IL6ST: variants seen among roughly 807,000 people sequenced by gnomAD.
The protein encoded by IL6ST is interleukin 6 cytokine family signal transducer.
Under a neutral mutation model 91.3 loss-of-function variants are expected in IL6ST, and 24 were observed. The ratio of observed to expected loss-of-function variants is 0.26; its 90% CI spans 0.19 to 0.37. The LOEUF is 0.37. IL6ST is among the 10% of genes least tolerant of loss of function. IL6ST has a pLI of 1.00. For synonymous variants in IL6ST, 351 were observed against 373.6 expected (o/e 0.94, Z 0.70); for missense variants, 914 against 1,078.5 (o/e 0.85, Z 2.14).
intron 7 of IL6ST, among the ~76,000 whole-genome samples, chr5:55,962,755 CTCTT>C: frequency 6.6e-6 from 1 of 152,128 alleles, no homozygotes; most frequent in East Asian, 1.9e-4. Context: ...TCCTTATAAT[CTCTT>C]TATTTTTGCT....
chr5:55,959,735 G>A (rs1362544431), intron 8 of IL6ST: 5 of 796,034 alleles, frequency 6.3e-6, no homozygotes, highest in African/African-American at 3.6e-5. Context: ...GGGATCTAAG[G>A]TGTAGTTTGC....
chr5:55,952,545 A>G (rs1751700485), intron 11 of IL6ST, among the ~76,000 whole-genome samples, 194 bp from the exon 12 acceptor site: 1 of 152,218 alleles, frequency 6.6e-6, no homozygotes, highest in African/African-American at 2.4e-5. Context: ...AGTATTGCCA[A>G]TGCAGTGGAT....
chr5:55,953,727 G>A (rs1298028107), intron 11 of IL6ST, among the ~76,000 whole-genome samples: 1 of 152,194 alleles, frequency 6.6e-6, no homozygotes, highest in Non-Finnish European at 1.5e-5. Flanking sequence ...AGTGGTTCAC[G>A]CCTGTAATAC....
chr5:55,960,680 T>G, intron 7 of IL6ST, 119 bp from the exon 8 acceptor site: 1 of 826,196 alleles, frequency 1.2e-6, no homozygotes, highest in Non-Finnish European at 1.8e-6. Context: ...CAGGTTGGAG[T>G]GCAGTGGTGC....
chr5:55,946,034 T>C (rs934739696), intron 15 of IL6ST, among the ~76,000 whole-genome samples: 6 of 152,148 alleles, frequency 3.9e-5, no homozygotes, highest in African/African-American at 1.4e-4. Context: ...CCAGAACATA[T>C]AAAGCACTCT....
intron 5 of IL6ST, among the ~76,000 whole-genome samples, chr5:55,966,855 C>T (rs746560903): frequency 6.6e-6 from 1 of 151,986 alleles, no homozygotes; most frequent in Non-Finnish European, 1.5e-5. Context: ...CCCGAAACCA[C>T]TGCTCAATCT....
At chr5:55,952,117 CA>C in intron 12 of IL6ST, 42 bp from the exon 13 acceptor site, 1 of 1,576,270 alleles carries the variant, frequency 6.3e-7, no homozygotes, top group Non-Finnish European at 8.6e-7. Context: ...AAATCATTTA[CA>C]ATCTAGTAAA....
chr5:55,989,998 C>CA (rs1181030374), intron 1 of IL6ST, among the ~76,000 whole-genome samples: 10 of 151,754 alleles, frequency 6.6e-5, no homozygotes, highest in Non-Finnish European at 1.5e-4. Context: ...AACATCCAAA[C>CA]AAAAAAAGAC....
chr5:55,975,476 T>A (rs1753233474), intron 3 of IL6ST, among the ~76,000 whole-genome samples: 1 of 152,116 alleles, frequency 6.6e-6, no homozygotes, highest in South Asian at 2.1e-4. Context: ...ACCTTTTCTT[T>A]ATAAATTACC....
At position 55,994,870 on chromosome 5, in the gene IL6ST, G is replaced by A. The variant is rs982021960; in HGVS notation, c.-190C>T. 6.6e-6 allele frequency: 1 copy of A among 152,278 alleles called. No homozygotes were observed. The highest frequency in any genetic ancestry group is 1.5e-5 in the Non-Finnish European group (1 of 68,110). The allele number at this position is 152,278 out of a possible 1,614,324, so 9.4% of individuals were successfully genotyped here. A position where few individuals can be genotyped will look rare whatever the true frequency, so the allele number is the denominator to read the frequency against. ...CTGGGCCAGACCCGTCGGCCTGGCA[G>A]GCGCGGCCCCCGGTTCAGCTGCGCC... On this transcript the variant is annotated 5_prime_UTR_variant, in exon 1 of 17. Transcript: ENST00000381298.
rs188472961 is a variant in IL6ST, at chr5:55,944,686, C to A, written c.1938-1935G>T. The A allele has an allele frequency of 2.2e-4, 234 of 1,075,968 alleles. 4 individuals are homozygous for A. In the East Asian group the frequency reaches 3.6e-3, roughly 16 times the overall value. 66.7% of individuals were successfully genotyped at this position (1,075,968 alleles called of 1,614,324 possible). A position where few individuals can be genotyped will look rare whatever the true frequency, so the allele number is the denominator to read the frequency against. On this transcript the variant is annotated intron_variant, in intron 15 of 16. Transcript: ENST00000381298. The stretch of plus-strand genomic sequence containing the variant: ...AGCCAAGTGGAGGAAGAAGCGAATG[C>A]GCAGGCTGAAGCGCAAAAGAAGAAA...
At chr5:55,946,653 C>A (rs910744836) in intron 15 of IL6ST, among the ~76,000 whole-genome samples, 2 of 151,704 alleles carry the variant, frequency 1.3e-5, no homozygotes, top group African/African-American at 4.8e-5. Context: ...TCCGTCTCAA[C>A]TGTAAATACA....
At position 55,936,338 on chromosome 5, in the gene IL6ST, T is replaced by A. The variant is rs1318339013; in HGVS notation, c.*4744A>T. On this transcript the variant is annotated 3_prime_UTR_variant, in exon 17 of 17. Coordinates refer to ENST00000381298, the MANE Select transcript of IL6ST (RefSeq NM_002184.4). ...CATACTTGGGCTCTTGACAACCAAG[T>A]AGGTTTTTTTTTTTTTTTTTTTTTT... 4.9e-6 allele frequency: 1 copy of A among 202,580 alleles called. No individual in the cohort carries two copies. The highest frequency in any genetic ancestry group is 2.5e-5 in the African/African-American group (1 of 39,900). 12.5% of individuals were successfully genotyped at this position (202,580 alleles called of 1,614,324 possible). A position where few individuals can be genotyped will look rare whatever the true frequency, so the allele number is the denominator to read the frequency against.
intron 5 of IL6ST, 91 bp downstream of exon 5, chr5:55,968,185 C>T: frequency 1.8e-6 from 2 of 1,090,884 alleles, no homozygotes; most frequent in Non-Finnish European, 2.6e-6. Context: ...TTTAAAATAG[C>T]ATTTAATATT....
chr5:55,935,726 G>A lies in IL6ST; in HGVS notation c.*5356C>T, dbSNP rs1045576554. 2.8e-5 allele frequency: 6 copies of A among 216,888 alleles called. No individual in the cohort carries two copies. The highest frequency in any genetic ancestry group is 1.4e-4 in the East Asian group (2 of 14,646). The allele number at this position is 216,888 out of a possible 1,614,324, so 13.4% of individuals were successfully genotyped here. A position where few individuals can be genotyped will look rare whatever the true frequency, so the allele number is the denominator to read the frequency against. On this transcript the variant is annotated 3_prime_UTR_variant, in exon 17 of 17. Coordinates refer to ENST00000381298, the MANE Select transcript of IL6ST (RefSeq NM_002184.4). ...CCTATACGCAGTTGTAATATATTTC[G>A]TATTTTGAAAGTGTAGAAGTTTGTA... is the stretch of plus-strand genomic sequence containing the variant.
chr5:55,935,515 C>G lies in IL6ST; in HGVS notation c.*5567G>C. 4.6e-6 allele frequency: 1 copy of G among 215,218 alleles called. No individual in the cohort carries two copies. The highest frequency in any genetic ancestry group is 6.8e-5 in the East Asian group (1 of 14,610). 13.3% of individuals were successfully genotyped at this position (215,218 alleles called of 1,614,324 possible). A position where few individuals can be genotyped will look rare whatever the true frequency, so the allele number is the denominator to read the frequency against. On this transcript the variant is annotated 3_prime_UTR_variant, in exon 17 of 17. Transcript: ENST00000381298. ...AGAACCCAAGCAGCCTTTCCATGAT[C>G]TTACTAAGTTGTCCAAGAGCCAACC...
intron 14 of IL6ST, among the ~76,000 whole-genome samples, chr5:55,948,278 C>G (rs1751400528): frequency 6.6e-6 from 1 of 152,172 alleles, no homozygotes; most frequent in Non-Finnish European, 1.5e-5. Flanking sequence ...AAATTAATCA[C>G]TAATTGGGAT....
intron 1 of IL6ST, among the ~76,000 whole-genome samples, chr5:55,990,124 GGAAT>G (rs1160898303): frequency 6.6e-6 from 1 of 152,112 alleles, no homozygotes; most frequent in Non-Finnish European, 1.5e-5. Flanking sequence ...AGTGCTGAAA[GGAAT>G]GAATCTCCTG....
intron 3 of IL6ST, among the ~76,000 whole-genome samples, chr5:55,974,792 T>C (rs1753177581): frequency 6.6e-6 from 1 of 151,998 alleles, no homozygotes; most frequent in African/African-American, 2.4e-5. Context: ...GGCCTCTATA[T>C]TAACTTCTTT....
Sources: gnomAD v4.1 joint callset for allele counts (sites outside exome capture counted in the v4.1 genomes callset) on GRCh38, gnomAD v4.1.1 for gene constraint, MANE v1.5 for transcripts, NCBI Gene and HGNC (gene_info 2026-07-23, HGNC 2026-07-21) for gene names.